IGDCC4: variants seen among roughly 807,000 people sequenced by gnomAD.
IGDCC4 encodes likely ortholog of mouse neighbor of Punc E11.
In IGDCC4, 72 loss-of-function variants were observed where a neutral mutation model predicts 116.6. The observed-to-expected ratio is 0.62, with a 90% CI of 0.51 to 0.75. The LOEUF is 0.75. IGDCC4 is among the 30% of genes least tolerant of loss of function. IGDCC4 has a pLI of 0.00. For synonymous variants in IGDCC4, 709 were observed against 719.9 expected, an observed-to-expected ratio of 0.98 and a Z score of 0.24; for missense variants, 1,501 against 1,662.4, an observed-to-expected ratio of 0.90 and a Z score of 1.69.
At position 65,393,819 on chromosome 15, in the gene IGDCC4, A is replaced by AAC. The variant is rs139985188; in HGVS notation, c.1715-290_1715-289dup. On this transcript the variant is annotated intron_variant, in intron 9 of 19. Coordinates refer to ENST00000352385, the MANE Select transcript of IGDCC4 (RefSeq NM_020962.3). This position sits in a 1 kb window ranked among gnomAD's most constrained non-coding sequence, Gnocchi z 4.6. ...GAGCTGTCAATGACCATCCCCTGCC[A>AAC]ACACACACACACACGGGATGCAGAC... 4.0e-5 allele frequency among the ~76,000 whole-genome samples: 6 copies of AAC among 151,836 alleles called. No homozygotes were observed. The highest frequency in any genetic ancestry group is 1.9e-4 in the East Asian group (1 of 5,140).
Position 65,410,175 on chromosome 15 carries a change from C to T in IGDCC4, c.563+3G>A. The T allele has an allele frequency of 1.2e-6, 2 of 1,612,510 alleles. No homozygotes were observed. Among genetic ancestry groups the T allele is most frequent in the Non-Finnish European group, 1.7e-6 (2 of 1,179,976 alleles). ...AGGACCCGCTCCCCTACAGGGCACTCACCGAGGCTCCTCAGGCAATGTCAC... is the reference window on the plus strand; with the variant it reads ...AGGACCCGCTCCCCTACAGGGCACTTACCGAGGCTCCTCAGGCAATGTCAC... On this transcript the variant is annotated splice_donor_region_variant and intron_variant, in intron 3 of 19. Coordinates refer to ENST00000352385, the MANE Select transcript of IGDCC4 (RefSeq NM_020962.3).
intron 3 of IGDCC4, among the ~76,000 whole-genome samples, chr15:65,409,961 C>T (rs2063074580): frequency 6.6e-6 from 1 of 152,198 alleles, no homozygotes; most frequent in Admixed American, 6.5e-5. Flanking sequence ...CCTACCCAGG[C>T]TCCACAGCTC....
intron 6 of IGDCC4, 63 bp from the exon 7 acceptor site, chr15:65,396,226 C>G: frequency 5.8e-6 from 8 of 1,374,492 alleles, no homozygotes; most frequent in Non-Finnish European, 6.7e-6. Flanking sequence ...GCCCCCCCCC[C>G]AGTACCCCAA....
intron 1 of IGDCC4, among the ~76,000 whole-genome samples, chr15:65,415,553 G>T (rs2063134932): frequency 6.6e-6 from 1 of 152,358 alleles, no homozygotes; most frequent in Middle Eastern, 3.4e-3. Context: ...GAGCAGCAGT[G>T]CTGTGCCAGG....
At position 65,384,024 on chromosome 15, in the gene IGDCC4, G is replaced by A; in HGVS notation, c.3738C>T (p.Val1246=). The A allele has an allele frequency of 6.3e-7, 1 of 1,593,592 alleles. No homozygotes were observed. The highest frequency in any genetic ancestry group is 8.6e-7 in the Non-Finnish European group (1 of 1,165,230). Reference sequence around the variant, plus strand: ...CTGGGAAGAGCTAGGCAGAGGAGGAGACCGGGGATCTGGGCAGGCCTGGGC... The same window carrying A: ...CTGGGAAGAGCTAGGCAGAGGAGGAAACCGGGGATCTGGGCAGGCCTGGGC... ...GASPGLPRSP[V]SSSA is the part of the protein sequence containing the mutation. Residue 1246 remains valine, a synonymous_variant, in exon 20 of 20, where the codon GTC becomes GTT. Transcript: ENST00000352385. This position sits in a 1 kb window ranked among gnomAD's most constrained non-coding sequence, Gnocchi z 4.9.
At chr15:65,418,864 T>C (rs981991239) in intron 1 of IGDCC4, among the ~76,000 whole-genome samples, 1 of 151,988 alleles carries the variant, frequency 6.6e-6, no homozygotes, top group African/African-American at 2.4e-5. Flanking sequence ...AGAGCCCAGA[T>C]AGACCCACTT....
At chr15:65,387,172 A>G (rs1160378014) in intron 16 of IGDCC4, among the ~76,000 whole-genome samples, 1 of 151,938 alleles carries the variant, frequency 6.6e-6, no homozygotes, top group Non-Finnish European at 1.5e-5. Context: ...GACCACAGGC[A>G]TGAGCTACCA....
intron 1 of IGDCC4, among the ~76,000 whole-genome samples, chr15:65,414,160 AGT>A (rs1200699324): frequency 3.3e-5 from 5 of 152,194 alleles, no homozygotes; most frequent in African/African-American, 1.2e-4. Flanking sequence ...GAGGAACAAG[AGT>A]GAGGGGAGAA....
At chr15:65,387,371 C>T (rs894822654) in intron 16 of IGDCC4, among the ~76,000 whole-genome samples, 2 of 146,970 alleles carry the variant, frequency 1.4e-5, no homozygotes, top group Non-Finnish European at 3.0e-5. Flanking sequence ...GTTTTTGAGA[C>T]GGAGTCTCGC....
In IGDCC4 at chr15:65,386,108, A is replaced by G. The variant is rs369062126; in HGVS notation, c.2952-49T>C. The G allele has an allele frequency of 1.8e-4, 219 of 1,229,564 alleles. No individual in the cohort carries two copies. In the African/African-American group the frequency reaches 3.1e-3, roughly 17 times the overall value. 76.2% of individuals were successfully genotyped at this position (1,229,564 alleles called of 1,614,324 possible). A position where few individuals can be genotyped will look rare whatever the true frequency, so the allele number is the denominator to read the frequency against. Reference sequence around the variant, plus strand: ...GGCATAGCGGTCAGAGTAAGGGGTCAGGCGGGGCTGGGATCTGGTCCAGCC... The same window carrying G: ...GGCATAGCGGTCAGAGTAAGGGGTCGGGCGGGGCTGGGATCTGGTCCAGCC... On this transcript the variant is annotated intron_variant, in intron 17 of 19. Transcript: ENST00000352385.
intron 1 of IGDCC4, among the ~76,000 whole-genome samples, chr15:65,415,320 G>A (rs1455794544): frequency 1.3e-5 from 2 of 152,214 alleles, no homozygotes; most frequent in African/African-American, 4.8e-5. Flanking sequence ...GTTGGGGCCC[G>A]AGCAGCTGCT....
At chr15:65,410,350 GA>G in intron 2 of IGDCC4, 31 bp from the exon 3 acceptor site, 1 of 1,612,998 alleles carries the variant, frequency 6.2e-7, no homozygotes. Flanking sequence ...GCAGGGACGG[GA>G]AAAGAATAGG....
intron 1 of IGDCC4, among the ~76,000 whole-genome samples, chr15:65,421,990 C>T (rs2063196226): frequency 6.6e-6 from 1 of 152,162 alleles, no homozygotes; most frequent in South Asian, 2.1e-4. Flanking sequence ...TGAGGCCCTG[C>T]TGACCTCGTC....
Position 65,394,485 on chromosome 15 carries a change from C to T in IGDCC4, c.1640G>A (p.Trp547Ter), listed in dbSNP as rs2062900417. The change falls in exon 9 of 20, where the codon TGG becomes TAG. Residue 547 changes from tryptophan (W) to a stop codon, truncating the protein, a stop_gained. Transcript: ENST00000352385. LOFTEE classifies it high-confidence loss of function. ...SPNPSDIRVAWLPLPPSLSNG... is the reference protein window; with the variant it reads ...SPNPSDIRVA ...GCTCAGGCTGGGGGGCAGGGGCAGCCACGCCACCCTGATGTCCGAAGGGTT... is the reference window on the plus strand; with the variant it reads ...GCTCAGGCTGGGGGGCAGGGGCAGCTACGCCACCCTGATGTCCGAAGGGTT... The T allele has an allele frequency of 6.2e-7, 1 of 1,613,690 alleles. No individual in the cohort carries two copies. The highest frequency in any genetic ancestry group is 1.3e-5 in the African/African-American group (1 of 74,900).
chr15:65,389,571 C>A (rs754465698), intron 13 of IGDCC4, among the ~76,000 whole-genome samples, 160 bp from the exon 14 acceptor site: 1 of 152,274 alleles, frequency 6.6e-6, no homozygotes, highest in African/African-American at 2.4e-5. Flanking sequence ...ACCCAGGGAC[C>A]TACAGAGAAG....
chr15:65,388,757 G>T (rs528128173), intron 15 of IGDCC4, 51 bp downstream of exon 15: 9 of 1,610,554 alleles, frequency 5.6e-6, no homozygotes, highest in Admixed American at 1.7e-5. Flanking sequence ...TGCTGGAAGC[G>T]GGAGAGGCTG....
In IGDCC4 at chr15:65,422,830, C is replaced by CCCGCGG. The variant is rs2063206435; in HGVS notation, c.27_32dup (p.Arg10_Gly11dup). The CCCGCGG allele has an allele frequency of 2.4e-6, 3 of 1,233,698 alleles. No homozygotes were observed. Among genetic ancestry groups the CCCGCGG allele is most frequent in the Non-Finnish European group, 3.0e-6 (3 of 984,586 alleles). 76.4% of individuals were successfully genotyped at this position (1,233,698 alleles called of 1,614,324 possible). On this transcript the variant is annotated inframe_insertion, in exon 1 of 20. Coordinates refer to ENST00000352385, the MANE Select transcript of IGDCC4 (RefSeq NM_020962.3). ...ACAGGCAGAAGGTCAACGCGAGGAG[C>CCCGCGG]CCGCGGCCGCGGCCGGCGTCCCCCC... is the stretch of plus-strand genomic sequence containing the variant.
chr15:65,413,255 A>C (rs6494520), intron 1 of IGDCC4, among the ~76,000 whole-genome samples: 40,037 of 151,858 alleles, frequency 0.26, 6,138 homozygotes, highest in East Asian at 0.69. Flanking sequence ...GAGGAGGCTC[A>C]CATGGCTCAT....
intron 1 of IGDCC4, among the ~76,000 whole-genome samples, chr15:65,417,753 G>A (rs572208491): frequency 6.6e-5 from 10 of 152,250 alleles, no homozygotes; most frequent in Non-Finnish European, 7.4e-5. Context: ...GCGCCACCAT[G>A]CCTGGCTAGT....
Sources: allele counts gnomAD v4.1 joint callset (sites outside exome capture counted in the v4.1 genomes callset), GRCh38; gene constraint gnomAD v4.1.1; non-coding constraint Gnocchi (gnomAD v3.1); transcripts MANE v1.5; gene names NCBI Gene and HGNC (gene_info 2026-07-23, HGNC 2026-07-21).